Variants in RYR3 observed in about 807,000 individuals in gnomAD.
RYR3 encodes brain ryanodine receptor-calcium release channel.
In RYR3, 207 loss-of-function variants were observed where a neutral mutation model predicts 584.3. That is an observed-to-expected ratio of 0.35 (90% CI 0.32 to 0.40). RYR3 has a LOEUF of 0.40. Among genes scored for constraint, RYR3 ranks in the 10% least tolerant of loss-of-function variants. The pLI, the probability that RYR3 is intolerant of heterozygous loss-of-function variation, is 1.00. For synonymous variants in RYR3, 2,416 were observed against 2,248.5 expected, an observed-to-expected ratio of 1.07 and a Z score of -2.11; for missense variants, 5,616 against 6,089.2, an observed-to-expected ratio of 0.92 and a Z score of 2.59.
intron 32 of RYR3, among the ~76,000 whole-genome samples, chr15:33,658,520 A>G (rs1596013225): frequency 6.6e-6 from 1 of 152,330 alleles, no homozygotes; most frequent in East Asian, 1.9e-4. Flanking sequence ...TAGGGGAATG[A>G]TGACCCATTG....
intron 28 of RYR3, 81 bp from the exon 29 acceptor site, chr15:33,646,270 T>C: frequency 8.0e-7 from 1 of 1,257,068 alleles, no homozygotes; most frequent in Non-Finnish European, 1.1e-6. Context: ...CCTTGCCATG[T>C]GCATGTCCAC....
chr15:33,835,064 C>T lies in RYR3; in HGVS notation c.11560C>T (p.Leu3854Phe). 2 of 1,612,208 alleles carry T rather than the reference C, an allele frequency of 1.2e-6. No homozygotes were observed. Among genetic ancestry groups the T allele is most frequent in the South Asian group, 1.1e-5 (1 of 91,006 alleles). Residue 3854 changes from leucine to phenylalanine, a missense_variant, in exon 87 of 104, where the codon CTC becomes TTC. Around this residue, in one of 9 missense-constraint regions of RYR3, gnomAD observed 954 missense variants for 1,132.2 expected, o/e 0.84. Coordinates refer to ENST00000634891, the MANE Select transcript of RYR3 (RefSeq NM_001036.6). ...LHVFANMQMKLSQDSSQIELL... is the reference protein window; with the variant it reads ...LHVFANMQMKFSQDSSQIELL... ...TGTCTTTGCTAATATGCAGATGAAA[C>T]TCTCTCAGGTACTGTGGCCCATTCC...
chr15:33,481,212 T>G (rs2049934582), intron 2 of RYR3, among the ~76,000 whole-genome samples: 1 of 152,198 alleles, frequency 6.6e-6, no homozygotes, highest in Non-Finnish European at 1.5e-5. Context: ...ATATTTAAAA[T>G]GTATCCCTTA....
In RYR3 at chr15:33,861,064, G is replaced by A. The variant is rs1433102024; in HGVS notation, c.14365-14G>A. ...ATGCCAACAAATGCCTTTTCTGCCT[G>A]TTATTTTTCTTAGACTAAATGTTTC... On this transcript the variant is annotated splice_polypyrimidine_tract_variant and intron_variant, in intron 101 of 103. Transcript: ENST00000634891. 7.7e-6 allele frequency: 12 copies of A among 1,559,584 alleles called. No homozygotes were observed. In the Admixed American group the frequency reaches 9.4e-5, roughly 12 times the overall value.
rs541488757 is a variant in RYR3, at chr15:33,536,627, C to A, written c.434-2723C>A. Reference sequence around the variant, plus strand: ...TCAGGACCCCCTTCATCATGGACACCCTTCGGTGGTCTCAGAGAACATTAA... The same window carrying A: ...TCAGGACCCCCTTCATCATGGACACACTTCGGTGGTCTCAGAGAACATTAA... On this transcript the variant is annotated intron_variant, in intron 5 of 103. Transcript: ENST00000634891. 1.1e-3 allele frequency among the ~76,000 whole-genome samples: 175 copies of A among 152,242 alleles called. No individual in the cohort carries two copies. In the Middle Eastern group the frequency reaches 0.034, roughly 30 times the overall value.
At position 33,369,843 on chromosome 15, in the gene RYR3, G is replaced by T. The variant is rs117588525; in HGVS notation, c.51+58747G>T. On this transcript the variant is annotated intron_variant, in intron 1 of 103. Coordinates refer to ENST00000634891, the MANE Select transcript of RYR3 (RefSeq NM_001036.6). ...CTGTCACATTCTGCCTTATGTGTTG[G>T]TTCTCTTTGTGAAATGTCTCTCTTC... Among the ~76,000 whole-genome samples, 215 of 152,246 alleles carry T rather than the reference G, an allele frequency of 1.4e-3. 1 individual carries two copies. The highest frequency in any genetic ancestry group is 1.9e-3 in the Non-Finnish European group (132 of 68,010).
At chr15:33,784,631 T>C (rs1193113001) in intron 65 of RYR3, among the ~76,000 whole-genome samples, 1 of 152,216 alleles carries the variant, frequency 6.6e-6, no homozygotes, top group Non-Finnish European at 1.5e-5. Flanking sequence ...AAGTTTGGCC[T>C]GAGGAGGAAG....
chr15:33,681,519 T>C (rs1265149034), intron 38 of RYR3, among the ~76,000 whole-genome samples: 1 of 152,254 alleles, frequency 6.6e-6, no homozygotes, highest in Admixed American at 6.5e-5. Context: ...TTGGGGGAGT[T>C]GGAGGGACAT....
At chr15:33,852,400 C>T (rs974694650) in intron 94 of RYR3, 1 of 152,136 alleles carries the variant, frequency 6.6e-6, no homozygotes, top group Non-Finnish European at 1.5e-5. Context: ...GAAGAAAGAT[C>T]ATCTCTCTGG....
At chr15:33,464,508 ACACATACACATATATG>A in intron 1 of RYR3, among the ~76,000 whole-genome samples, 1 of 138,108 alleles carries the variant, frequency 7.2e-6, no homozygotes, top group African/African-American at 2.6e-5. Context: ...ATATATACAT[ACACATACACATATATG>A]TACATTTATA....
At chr15:33,670,329 G>A in intron 37 of RYR3, 90 bp from the exon 38 acceptor site, 1 of 1,342,484 alleles carries the variant, frequency 7.4e-7, no homozygotes, top group Non-Finnish European at 1.0e-6. Flanking sequence ...GTTCCAGAAG[G>A]ATGGGAAGCA....
At chr15:33,779,776 G>T (rs1347015149) in intron 64 of RYR3, among the ~76,000 whole-genome samples, 1 of 152,142 alleles carries the variant, frequency 6.6e-6, no homozygotes, top group African/African-American at 2.4e-5. Flanking sequence ...GCCGAGGCGG[G>T]CAGATCACAA....
chr15:33,731,659 G>T lies in RYR3; in HGVS notation c.7389G>T (p.Arg2463Ser), dbSNP rs763616243. 5.7e-5 allele frequency: 92 copies of T among 1,613,188 alleles called. No individual in the cohort carries two copies. The highest frequency in any genetic ancestry group is 6.7e-5 in the Non-Finnish European group (79 of 1,179,282). Residue 2463 changes from arginine to serine, a missense_variant, in exon 48 of 104, where the codon AGG becomes AGT. Around this residue, in one of 9 missense-constraint regions of RYR3, gnomAD observed 1,280 missense variants for 1,426.2 expected, o/e 0.90. Coordinates refer to ENST00000634891, the MANE Select transcript of RYR3 (RefSeq NM_001036.6). ...GACGTTCCCTCACCAAAGCACAAAG[G>T]GACACTATAGAAGAATGTTTGCTTG... The part of the protein sequence containing the change: ...SKGRSLTKAQ[R>S]DTIEECLLAI...
intron 65 of RYR3, among the ~76,000 whole-genome samples, chr15:33,783,259 T>C (rs1342851095): frequency 1.3e-5 from 2 of 152,222 alleles, no homozygotes; most frequent in Middle Eastern, 3.2e-3. Context: ...CAGGTGATGC[T>C]GGTGCTGCTG....
At chr15:33,608,405 A>T (rs527514990) in intron 18 of RYR3, among the ~76,000 whole-genome samples, 3 of 152,236 alleles carry the variant, frequency 2.0e-5, no homozygotes, top group Non-Finnish European at 4.4e-5. Context: ...AGGGGTGGAG[A>T]TTACTTTCTC....
chr15:33,431,660 G>A (rs2045160983), intron 1 of RYR3, among the ~76,000 whole-genome samples: 1 of 152,104 alleles, frequency 6.6e-6, no homozygotes, highest in Non-Finnish European at 1.5e-5. Context: ...CAGCCACTCA[G>A]GAGGCTGAGG....
At chr15:33,787,094 C>T (rs775919674) in intron 66 of RYR3, among the ~76,000 whole-genome samples, 7 of 152,196 alleles carry the variant, frequency 4.6e-5, no homozygotes, top group African/African-American at 7.2e-5. Context: ...AGTGTCACAA[C>T]GTGAAGGCCA....
intron 64 of RYR3, among the ~76,000 whole-genome samples, chr15:33,778,771 G>C (rs1052279020): frequency 2.6e-5 from 4 of 152,164 alleles, no homozygotes; most frequent in Non-Finnish European, 4.4e-5. Context: ...GGGTGGGGAG[G>C]TTTTAGCAGT....
At chr15:33,404,282 G>A (rs1443189510) in intron 1 of RYR3, among the ~76,000 whole-genome samples, 1 of 152,158 alleles carries the variant, frequency 6.6e-6, no homozygotes, top group Non-Finnish European at 1.5e-5. Context: ...ACGTGTATGT[G>A]TTCATGTGCT....
Sources: allele counts gnomAD v4.1 joint callset (sites outside exome capture counted in the v4.1 genomes callset), GRCh38; gene constraint gnomAD v4.1.1; regional missense constraint gnomAD v4.1.1; transcripts MANE v1.5; gene names NCBI Gene and HGNC (gene_info 2026-07-23, HGNC 2026-07-21).